PHF14: variants seen among roughly 807,000 people sequenced by gnomAD.
The protein encoded by PHF14 is PHD finger protein 14.
Under a neutral mutation model 117.9 loss-of-function variants are expected in PHF14, and 55 were observed. The ratio of observed to expected loss-of-function variants is 0.47; its 90% confidence interval spans 0.38 to 0.58. PHF14 has a LOEUF of 0.58. Among genes scored for constraint, PHF14 ranks in the 20% least tolerant of loss-of-function variants. The probability of loss-of-function intolerance (pLI) is 0.00; values close to 1 mark genes in which losing one functional copy is unlikely to be tolerated. For missense variants in PHF14, 978 were observed against 1,122.2 expected, an observed-to-expected ratio of 0.87 and a Z score of 1.84; for synonymous variants, 409 against 368.6, an observed-to-expected ratio of 1.11 and a Z score of -1.26.
intron 17 of PHF14, among the ~76,000 whole-genome samples, chr7:11,114,109 A>G (rs991699651): frequency 6.6e-6 from 1 of 152,148 alleles, no homozygotes; most frequent in Non-Finnish European, 1.5e-5. Flanking sequence ...ATCAATTGCA[A>G]ATAAATTTAG....
intron 17 of PHF14, among the ~76,000 whole-genome samples, chr7:11,155,733 G>T (rs774982851): frequency 1.3e-5 from 2 of 151,860 alleles, no homozygotes; most frequent in Non-Finnish European, 2.9e-5. Flanking sequence ...ACTCCATAAG[G>T]CAGGGACAGT....
At position 11,061,804 on chromosome 7, in the gene PHF14, G is replaced by A. The variant is rs1457606584; in HGVS notation, c.2495G>A (p.Arg832Gln). The stretch of plus-strand genomic sequence containing the variant: ...GTTTTTTTCCAGAGAACCAGAGGAC[G>A]AAAACGAAGCTTCGTTCCTGAGGAA... ...IPIRNTRTRG[R>Q]KRSFVPEEEK... Residue 832 changes from arginine (R) to glutamine (Q), a missense_variant, in exon 15 of 18, where the codon CGA (arginine) becomes CAA (glutamine). Arg to Gln is a conservative substitution (Grantham distance 43). Transcript: ENST00000634607. 3.0e-5 allele frequency: 45 copies of A among 1,514,436 alleles called. No homozygotes were observed. The highest frequency in any genetic ancestry group is 8.8e-5 in the Admixed American group (4 of 45,590). 93.8% of individuals were successfully genotyped at this position (1,514,436 alleles called of 1,614,324 possible). A position where few individuals can be genotyped will look rare whatever the true frequency, so the allele number is the denominator to read the frequency against.
At chr7:11,117,837 A>G (rs1787644259) in intron 17 of PHF14, among the ~76,000 whole-genome samples, 1 of 151,622 alleles carries the variant, frequency 6.6e-6, no homozygotes, top group Non-Finnish European at 1.5e-5. Flanking sequence ...TTATCCTTTA[A>G]AGTTCTTTAA....
chr7:11,035,689 TAGAC>T lies in PHF14; in HGVS notation c.1509_1512del (p.Asp503GlufsTer47). ...TATTGTAAGCAACATGCAGATAGGT[TAGAC>T]AGAAAGTGGAAGAGAAAAAACTACT... On this transcript the variant is annotated frameshift_variant, in exon 8 of 18. Transcript: ENST00000634607. LOFTEE classifies it high-confidence loss of function. 1.2e-6 allele frequency: 2 copies of T among 1,610,684 alleles called. No homozygotes were observed. Among genetic ancestry groups the T allele is most frequent in the Non-Finnish European group, 1.7e-6 (2 of 1,177,172 alleles).
intron 16 of PHF14, chr7:11,104,000 TG>T: frequency 1.0e-6 from 1 of 985,052 alleles, no homozygotes; most frequent in South Asian, 4.7e-5. Flanking sequence ...TGCTGAACTC[TG>T]GCTGCTTTTA....
chr7:11,040,197 C>T (rs762013234), intron 11 of PHF14, among the ~76,000 whole-genome samples: 2 of 151,932 alleles, frequency 1.3e-5, no homozygotes, highest in Admixed American at 6.6e-5. Flanking sequence ...TGGTTGCTGT[C>T]TGAGAAGCCA....
intron 16 of PHF14, chr7:11,063,431 TAAC>T (rs1041461092): frequency 4.1e-6 from 4 of 970,890 alleles, no homozygotes; most frequent in Non-Finnish European, 4.9e-6. Flanking sequence ...AGAAAAAAAA[TAAC>T]AATCTTATAT....
At chr7:11,150,766 G>C (rs1788678831) in intron 17 of PHF14, among the ~76,000 whole-genome samples, 1 of 152,080 alleles carries the variant, frequency 6.6e-6, no homozygotes, top group Non-Finnish European at 1.5e-5. Context: ...AATTAATTAT[G>C]GGGTATATCA....
chr7:11,157,922 AC>A (rs753750979), intron 17 of PHF14, among the ~76,000 whole-genome samples: 4 of 152,164 alleles, frequency 2.6e-5, no homozygotes, highest in Non-Finnish European at 5.9e-5. Context: ...AAATCATCTA[AC>A]AAAAATTAGA....
At chr7:10,986,669 A>T (rs1479378700) in intron 3 of PHF14, among the ~76,000 whole-genome samples, 1 of 152,116 alleles carries the variant, frequency 6.6e-6, no homozygotes, top group Non-Finnish European at 1.5e-5. Flanking sequence ...ATGTGGTTGT[A>T]TGTCTTTTTC....
rs1784539104 is a variant in PHF14, at chr7:11,042,760, G to T, written c.2258G>T (p.Gly753Val). The T allele has an allele frequency of 6.3e-7, 1 of 1,589,942 alleles. No individual in the cohort carries two copies. The highest frequency in any genetic ancestry group is 8.6e-7 in the Non-Finnish European group (1 of 1,164,824). Residue 753 changes from glycine (G) to valine (V), a missense_variant, in exon 13 of 18, where the codon GGA (glycine) becomes GTA (valine). By Grantham distance (109) the Gly-to-Val change is moderately radical. Coordinates refer to ENST00000634607, the MANE Select transcript of PHF14 (RefSeq NM_001007157.2). ...ACCTGTAAACTACATTACCATCTTG[G>T]ATGTCTGGATCCTCCTCTTACAAGG... is the stretch of plus-strand genomic sequence containing the variant. ...CDTCKLHYHL[G>V]CLDPPLTRMP...
intron 4 of PHF14, chr7:11,006,931 T>C: frequency 4.4e-6 from 2 of 454,680 alleles, no homozygotes; most frequent in Non-Finnish European, 8.3e-6. Context: ...TCCCAGCATG[T>C]TGGGAGGCTG....
chr7:11,092,764 G>T (rs184362034), intron 16 of PHF14, among the ~76,000 whole-genome samples: 364 of 152,186 alleles, frequency 2.4e-3, no homozygotes, highest in Non-Finnish European at 3.9e-3. Context: ...CGCTGAACCT[G>T]ATCATTGACT....
chr7:11,123,973 T>G (rs1787850241), intron 17 of PHF14, among the ~76,000 whole-genome samples: 1 of 146,870 alleles, frequency 6.8e-6, no homozygotes, highest in Non-Finnish European at 1.5e-5. Flanking sequence ...TTTAATATAG[T>G]AAAATTGATA....
chr7:11,008,455 G>C (rs902613121), intron 4 of PHF14, among the ~76,000 whole-genome samples: 1 of 152,028 alleles, frequency 6.6e-6, no homozygotes, highest in Non-Finnish European at 1.5e-5. Context: ...ACCTCCTGTC[G>C]GATCAGTGGC....
At chr7:11,008,186 T>C (rs1015175072) in intron 4 of PHF14, among the ~76,000 whole-genome samples, 5 of 152,216 alleles carry the variant, frequency 3.3e-5, no homozygotes, top group Admixed American at 2.6e-4. Flanking sequence ...CTAAGAGATG[T>C]TTCCCCCTAT....
At chr7:11,100,173 A>G (rs1277444244) in intron 16 of PHF14, among the ~76,000 whole-genome samples, 1 of 152,010 alleles carries the variant, frequency 6.6e-6, no homozygotes, top group African/African-American at 2.4e-5. Flanking sequence ...ATTTCTTTGG[A>G]CATATGAAAT....
chr7:11,017,469 G>A (rs972230869), intron 5 of PHF14, among the ~76,000 whole-genome samples: 1 of 152,088 alleles, frequency 6.6e-6, no homozygotes, highest in Admixed American at 6.6e-5. Flanking sequence ...TGATAGTTTT[G>A]ATTTGCATTT....
chr7:11,112,380 A>G (rs1787476703), intron 17 of PHF14, among the ~76,000 whole-genome samples: 1 of 152,208 alleles, frequency 6.6e-6, no homozygotes, highest in Non-Finnish European at 1.5e-5. Flanking sequence ...TCAGCTTACC[A>G]CAGAGGCCTT....
Sources: allele counts gnomAD v4.1 joint callset (sites outside exome capture counted in the v4.1 genomes callset), GRCh38; gene constraint gnomAD v4.1.1; transcripts MANE v1.5; gene names NCBI Gene and HGNC (gene_info 2026-07-23, HGNC 2026-07-21).